The following XPC variants were observed in gnomAD, a reference collection of about 807,000 sequenced individuals.
XPC encodes XPC complex subunit, DNA damage recognition and repair factor, also known as DNA repair protein complementing XP-C cells.
In XPC, 76 loss-of-function variants were observed where a neutral mutation model predicts 95.8. That is an observed-to-expected ratio of 0.79 (90% CI 0.66 to 0.96). XPC has a LOEUF of 0.96. Among genes scored for constraint, XPC ranks in the 40% least tolerant of loss-of-function variants. The pLI, the probability that XPC is intolerant of heterozygous loss-of-function variation, is 0.00. For missense variants in XPC, 1,146 were observed against 1,179.8 expected (o/e 0.97, Z 0.42); for synonymous variants, 442 against 442.1 (o/e 1.00, Z 0.00).
chr3:14,149,737 G>A (rs2733535), intron 11 of XPC: 63,044 of 152,178 alleles, frequency 0.41, 13,690 homozygotes, highest in Non-Finnish European at 0.47. Flanking sequence ...TGGAATTACA[G>A]GCATGAGCCA....
chr3:14,158,238 GCA>G lies in XPC; in HGVS notation c.1643_1644del (p.Val548AlafsTer25), dbSNP rs754532049. ...QEEKWVCVDC[V>X]HGVVGQPLTC... is the part of the protein sequence containing the mutation. ...GTCAGAGGCTGGCCCACCACACCGT[GCA>G]CACAGTCTACACATACCCACTTTTC... On this transcript the variant is annotated frameshift_variant, in exon 9 of 16. Transcript: ENST00000285021. LOFTEE classifies it high-confidence loss of function. The surrounding 1 kb of genome is among the most constrained non-coding windows in gnomAD (Gnocchi z 5.2). 1.1e-5 allele frequency: 17 copies of G among 1,613,808 alleles called. No homozygotes were observed. In the Admixed American group the frequency reaches 1.7e-4, roughly 16 times the overall value.
At chr3:14,162,060 A>G (rs1161442218) in intron 7 of XPC, among the ~76,000 whole-genome samples, 1 of 152,206 alleles carries the variant, frequency 6.6e-6, no homozygotes, top group Non-Finnish European at 1.5e-5. Flanking sequence ...CAAGAGCATC[A>G]AGAAGAATAA....
rs1381949953 is a variant in XPC at position 14,145,844 on chromosome 3, AG to A, written c.*96del. On this transcript the variant is annotated 3_prime_UTR_variant, in exon 16 of 16. Coordinates refer to ENST00000285021, the MANE Select transcript of XPC (RefSeq NM_004628.5). ...CCTCAGTTTGCCTTCTCAGCAGAGA[AG>A]CCCCCACCACCAGGGGCTGGGCATG... 4.1e-6 allele frequency: 6 copies of A among 1,457,796 alleles called. No individual in the cohort carries two copies. Among genetic ancestry groups the A allele is most frequent in the East Asian group, 2.3e-5 (1 of 43,446 alleles). The allele number at this position is 1,457,796 out of a possible 1,614,324, so 90.3% of individuals were successfully genotyped here.
At position 14,145,454 on chromosome 3, in the gene XPC, A is replaced by C; in HGVS notation, c.*487T>G. ...AGCATTAGTAAGCCTGACTCAGGGG[A>C]AGGTAAGTGGCCTGCAGAGAAATGG... On this transcript the variant is annotated 3_prime_UTR_variant, in exon 16 of 16. Transcript: ENST00000285021. 1.4e-6 allele frequency: 1 copy of C among 694,670 alleles called. No individual in the cohort carries two copies. The highest frequency in any genetic ancestry group is 1.5e-5 in the South Asian group (1 of 67,372). 43.0% of individuals were successfully genotyped at this position (694,670 alleles called of 1,614,324 possible).
At chr3:14,165,731 C>G in intron 5 of XPC, 146 bp from the exon 6 acceptor site, 1 of 902,960 alleles carries the variant, frequency 1.1e-6, no homozygotes, top group South Asian at 1.7e-5. Context: ...CTAGCATTGG[C>G]CACTTCCCAA....
At chr3:14,166,469 CA>C (rs1227850889) in intron 5 of XPC, among the ~76,000 whole-genome samples, 7 of 152,140 alleles carry the variant, frequency 4.6e-5, no homozygotes, top group Non-Finnish European at 8.8e-5. Flanking sequence ...TCCTCTCAGG[CA>C]GCCCACCATC....
At chr3:14,172,732 G>C in intron 2 of XPC, 135 bp downstream of exon 2, 2 of 1,016,710 alleles carry the variant, frequency 2.0e-6, no homozygotes, top group East Asian at 2.7e-5. Flanking sequence ...TTACCGGTCT[G>C]AGTTGTACCT....
chr3:14,158,035 G>A lies in XPC; in HGVS notation c.1848C>T (p.Asp616=), dbSNP rs1285219849. 3 of 1,601,016 alleles carry A rather than the reference G, an allele frequency of 1.9e-6. No individual in the cohort carries two copies. Among genetic ancestry groups the A allele is most frequent in the Non-Finnish European group, 1.7e-6 (2 of 1,169,004 alleles). ...CCTCCAAGTCTTCTTTCTTCTCCCT[G>A]TCCATAAATGGGCTCTGGTATGGTC... ...TLRPYQSPFM[D]REKKEDLEFQ... Residue 616 remains aspartate, a synonymous_variant, in exon 9 of 16, where the codon GAC becomes GAT. Coordinates refer to ENST00000285021, the MANE Select transcript of XPC (RefSeq NM_004628.5). This position sits in a 1 kb window ranked among gnomAD's most constrained non-coding sequence, Gnocchi z 5.2.
intron 4 of XPC, among the ~76,000 whole-genome samples, chr3:14,167,733 CTGTGCCTAGTAA>C (rs1391663351): frequency 2.0e-5 from 3 of 152,212 alleles, no homozygotes; most frequent in African/African-American, 7.2e-5. Flanking sequence ...TCTCCCTCTT[CTGTGCCTAGTAA>C]TGTGCCCATC....
intron 2 of XPC, among the ~76,000 whole-genome samples, chr3:14,171,290 C>T (rs917649150): frequency 6.6e-6 from 1 of 151,848 alleles, no homozygotes; most frequent in African/African-American, 2.4e-5. Flanking sequence ...TTAAAATAAC[C>T]AATCATCAAT....
Position 14,146,147 on chromosome 3 carries a change from C to T in XPC, c.2617G>A (p.Ala873Thr). 6.2e-7 allele frequency: 1 copy of T among 1,608,600 alleles called. No homozygotes were observed. The highest frequency in any genetic ancestry group is 8.5e-7 in the Non-Finnish European group (1 of 1,178,348). ...RRYGPKSEAA[A>T]PHTDAGGGLS... ...CCACCTCCTGCATCTGTGTGGGGAG[C>T]TGCTGCCTCACTCTGGACAGGTGGC... Residue 873 changes from alanine to threonine, a missense_variant, in exon 16 of 16, where the codon GCT (alanine) becomes ACT (threonine). By Grantham distance (58) the Ala-to-Thr change is moderately conservative (BLOSUM62 0). Coordinates refer to ENST00000285021, the MANE Select transcript of XPC (RefSeq NM_004628.5).
chr3:14,177,819 G>A (rs1239179544), intron 1 of XPC, among the ~76,000 whole-genome samples: 1 of 151,020 alleles, frequency 6.6e-6, no homozygotes, highest in Non-Finnish European at 1.5e-5. Flanking sequence ...AGGGGCTGTG[G>A]TCATGGAAAT....
At chr3:14,163,995 G>A (rs1339325427) in intron 7 of XPC, among the ~76,000 whole-genome samples, 1 of 152,212 alleles carries the variant, frequency 6.6e-6, no homozygotes, top group African/African-American at 2.4e-5. Flanking sequence ...GTTGCAGTGA[G>A]CTGAGATTGC....
At chr3:14,147,476 C>A in intron 14 of XPC, 97 bp from the exon 15 acceptor site, 3 of 1,192,152 alleles carry the variant, frequency 2.5e-6, no homozygotes, top group Non-Finnish European at 2.4e-6. Context: ...CAGATATATA[C>A]ACCACTTTAG....
At position 14,178,545 on chromosome 3, in the gene XPC, G is replaced by C; in HGVS notation, c.24C>G (p.Gly8=). Residue 8 remains glycine, a synonymous_variant, in exon 1 of 16, where the codon GGC becomes GGG. Coordinates refer to ENST00000285021, the MANE Select transcript of XPC (RefSeq NM_004628.5). MARKRAA[G]GEPRGRELRS... is the part of the protein sequence containing the mutation. ...GCAGTTCGCGTCCCCGCGGCTCCCC[G>C]CCGGCCGCGCGTTTCCGAGCCATGT... The C allele has an allele frequency of 1.9e-6, 3 of 1,612,872 alleles. No individual in the cohort carries two copies. Among genetic ancestry groups the C allele is most frequent in the South Asian group, 1.1e-5 (1 of 91,068 alleles).
Position 14,147,991 on chromosome 3 carries a change from A to C in XPC, c.2431T>G (p.Tyr811Asp). The C allele has an allele frequency of 1.3e-6, 2 of 1,586,918 alleles. No individual in the cohort carries two copies. The highest frequency in any genetic ancestry group is 1.7e-6 in the Non-Finnish European group (2 of 1,165,406). The change falls in exon 14 of 16, where the codon TAC becomes GAC. Residue 811 changes from tyrosine (Y) to aspartate (D), a missense_variant. By Grantham distance (160) the Tyr-to-Asp change is radical. Coordinates refer to ENST00000285021, the MANE Select transcript of XPC (RefSeq NM_004628.5). Reference sequence around the variant, plus strand: ...TCTTTGAATTCCTCGCAGACGATGTATCCATCAGTCCTGTGGGGACACAAC... The same window carrying C: ...TCTTTGAATTCCTCGCAGACGATGTCTCCATCAGTCCTGTGGGGACACAAC... ...GGYSHPVTDG[Y>D]IVCEEFKDVL... is the part of the protein sequence containing the mutation.
intron 4 of XPC, among the ~76,000 whole-genome samples, chr3:14,167,566 C>T (rs1490964160): frequency 2.0e-5 from 3 of 152,234 alleles, no homozygotes. Flanking sequence ...TCCAACTCTT[C>T]CGACTACTGA....
chr3:14,153,985 A>G (rs1362714615), intron 10 of XPC, among the ~76,000 whole-genome samples: 1 of 152,204 alleles, frequency 6.6e-6, no homozygotes, highest in East Asian at 1.9e-4. Flanking sequence ...AGGAGCGGGT[A>G]AAAAAGGGGT....
intron 7 of XPC, among the ~76,000 whole-genome samples, chr3:14,162,418 G>A (rs944374047): frequency 6.6e-6 from 1 of 152,164 alleles, no homozygotes; most frequent in African/African-American, 2.4e-5. Context: ...TGTTGTACTG[G>A]CGTAAGAACA....
Sources: allele counts gnomAD v4.1 joint callset (sites outside exome capture counted in the v4.1 genomes callset), GRCh38; gene constraint gnomAD v4.1.1; non-coding constraint Gnocchi (gnomAD v3.1); transcripts MANE v1.5; gene names NCBI Gene and HGNC (gene_info 2026-07-23, HGNC 2026-07-21).